Variants in FHAD1 observed in about 807,000 individuals in gnomAD.
FHAD1 encodes the protein forkhead-associated domain-containing protein 1.
In FHAD1, 146 loss-of-function variants were observed where a neutral mutation model predicts 191.3. That is an observed-to-expected ratio of 0.76 (90% CI 0.67 to 0.88). FHAD1 has a LOEUF of 0.88. FHAD1 is among the 40% of genes least tolerant of loss of function. The pLI, the probability that FHAD1 is intolerant of heterozygous loss-of-function variation, is 0.00. For missense variants in FHAD1, 1,635 were observed against 1,785.8 expected (o/e 0.92, Z 1.52); for synonymous variants, 616 against 672.3 (o/e 0.92, Z 1.29).
At chr1:15,290,902 G>A (rs1411439532) in intron 4 of FHAD1, among the ~76,000 whole-genome samples, 1 of 151,996 alleles carries the variant, frequency 6.6e-6, no homozygotes, top group African/African-American at 2.4e-5. Flanking sequence ...TTTTAGTAGA[G>A]ATGGGGTTTC....
chr1:15,329,812 C>T lies in FHAD1; in HGVS notation c.1906+271C>T. ...CGAAATTATGCAAAGTCTAATTACG[C>T]TGTTTAACCTCCAAGGCATTTTCCC... On this transcript the variant is annotated intron_variant, in intron 14 of 33. Transcript: ENST00000688493. The surrounding 1 kb of genome is among the most constrained non-coding windows in gnomAD (Gnocchi z 5.0). 1 of 444,652 alleles carries T rather than the reference C, an allele frequency of 2.2e-6. No individual in the cohort carries two copies. Among genetic ancestry groups the T allele is most frequent in the Non-Finnish European group, 4.1e-6 (1 of 244,184 alleles). The allele number at this position is 444,652 out of a possible 1,614,324, so 27.5% of individuals were successfully genotyped here.
chr1:15,378,355 C>T (rs576784494), intron 28 of FHAD1, among the ~76,000 whole-genome samples: 3 of 152,202 alleles, frequency 2.0e-5, no homozygotes, highest in Non-Finnish European at 4.4e-5. Context: ...CACCCAAGGT[C>T]ACAAAGATAA....
rs773507639 is a variant in FHAD1 at position 15,328,355 on chromosome 1, C to T, written c.1636C>T (p.Gln546Ter). 1.0e-5 allele frequency: 16 copies of T among 1,549,448 alleles called. No individual in the cohort carries two copies. The highest frequency in any genetic ancestry group is 2.0e-5 in the Admixed American group (1 of 50,686). The stretch of plus-strand genomic sequence containing the variant: ...AAAGTGGACCCTCCAGAAAGAGACC[C>T]AGCTGAGCAACTCCAAGCAGGAGGA... ...QKKWTLQKETQLSNSKQEETT... is the reference protein window; with the variant it reads ...QKKWTLQKET The change falls in exon 13 of 34, where the codon CAG (glutamine) becomes TAG (stop). Residue 546 changes from glutamine to a stop codon, truncating the protein, a stop_gained. Coordinates refer to ENST00000688493, the MANE Select transcript of FHAD1 (RefSeq NM_001391957.1). LOFTEE classifies it high-confidence loss of function.
chr1:15,376,073 A>T (rs868766740), intron 28 of FHAD1, among the ~76,000 whole-genome samples: 26 of 137,090 alleles, frequency 1.9e-4, no homozygotes, highest in Middle Eastern at 3.7e-3. Context: ...TTATTTATTT[A>T]TTTATTTTTT....
chr1:15,380,803 A>C lies in FHAD1; in HGVS notation c.3801+7A>C, dbSNP rs759415664. On this transcript the variant is annotated splice_region_variant and intron_variant, in intron 29 of 33. Coordinates refer to ENST00000688493, the MANE Select transcript of FHAD1 (RefSeq NM_001391957.1). Reference sequence around the variant, plus strand: ...AGAGCTCAGTGAAAAGCTGGTATGTACATCCAGCATCCACCCTGCTCCTAT... The same window carrying C: ...AGAGCTCAGTGAAAAGCTGGTATGTCCATCCAGCATCCACCCTGCTCCTAT... 8 of 1,550,590 alleles carry C rather than the reference A, an allele frequency of 5.2e-6. No homozygotes were observed. Among genetic ancestry groups the C allele is most frequent in the Non-Finnish European group, 7.0e-6 (8 of 1,146,266 alleles).
intron 23 of FHAD1, chr1:15,363,927 A>C (rs746705208): frequency 6.4e-5 from 24 of 377,784 alleles, no homozygotes; most frequent in Non-Finnish European, 5.7e-5. Context: ...TAGTGACCGA[A>C]GTCTAATGTC....
At chr1:15,376,618 T>C (rs2102925617) in intron 28 of FHAD1, among the ~76,000 whole-genome samples, 1 of 152,348 alleles carries the variant, frequency 6.6e-6, no homozygotes, top group South Asian at 2.1e-4. Context: ...TTGACCTTTC[T>C]GGGACTCCAT....
Position 15,339,424 on chromosome 1 carries a change from C to T in FHAD1, c.1907-57C>T, listed in dbSNP as rs141370247. 163 of 837,410 alleles carry T rather than the reference C, an allele frequency of 1.9e-4. 3 individuals are homozygous for T. In the Admixed American group the frequency reaches 2.8e-3, roughly 14 times the overall value. 51.9% of individuals were successfully genotyped at this position (837,410 alleles called of 1,614,324 possible). A position where few individuals can be genotyped will look rare whatever the true frequency, so the allele number is the denominator to read the frequency against. ...GGCAACGTTGCTTTCATCCACCTGT[C>T]TGCAAGCTTTGGAGTTGAATTGATA... is the stretch of plus-strand genomic sequence containing the variant. On this transcript the variant is annotated intron_variant, in intron 14 of 33. Coordinates refer to ENST00000688493, the MANE Select transcript of FHAD1 (RefSeq NM_001391957.1).
upstream of FHAD1, among the ~76,000 whole-genome samples, chr1:15,244,090 A>C (rs1645716425): frequency 6.6e-6 from 1 of 151,936 alleles, no homozygotes; most frequent in African/African-American, 2.4e-5. This position sits in a 1 kb window ranked among gnomAD's most constrained non-coding sequence, Gnocchi z 5.1. Flanking sequence ...ATGCCGCATC[A>C]CTGTTTAATT....
At chr1:15,271,345 G>A (rs1655897656) in intron 2 of FHAD1, among the ~76,000 whole-genome samples, 1 of 152,136 alleles carries the variant, frequency 6.6e-6, no homozygotes, top group East Asian at 1.9e-4. Flanking sequence ...AGTGTGCCCT[G>A]CAGCTCACAG....
intron 14 of FHAD1, among the ~76,000 whole-genome samples, chr1:15,330,466 AT>A (rs1226874277): frequency 6.6e-6 from 1 of 152,178 alleles, no homozygotes; most frequent in African/African-American, 2.4e-5. Context: ...TACATTTGAA[AT>A]TTTTTATAAT....
intron 3 of FHAD1, among the ~76,000 whole-genome samples, chr1:15,285,942 C>T (rs1662257660): frequency 6.6e-6 from 1 of 152,172 alleles, no homozygotes; most frequent in African/African-American, 2.4e-5. Context: ...TGAAATAAAC[C>T]AGTCACAAAA....
intron 16 of FHAD1, among the ~76,000 whole-genome samples, chr1:15,344,051 G>A (rs1228389352): frequency 6.6e-6 from 1 of 152,236 alleles, no homozygotes; most frequent in East Asian, 1.9e-4. Flanking sequence ...TGAAAACCTC[G>A]GTGCACCCTA....
chr1:15,289,481 C>T lies in FHAD1; in HGVS notation c.383C>T (p.Pro128Leu). The change falls in exon 4 of 34, where the codon CCC (proline) becomes CTC (leucine). Residue 128 changes from proline to leucine, a missense_variant. Transcript: ENST00000688493. This position sits in a 1 kb window ranked among gnomAD's most constrained non-coding sequence, Gnocchi z 4.2. ...PRATQQPNQAPPPSHIPFHQG... is the reference protein window; with the variant it reads ...PRATQQPNQALPPSHIPFHQG... ...GCCACACAGCAGCCAAACCAGGCCC[C>T]CCCACCATCACATATCCCCTTCCAC... 1 of 1,551,884 alleles carries T rather than the reference C, an allele frequency of 6.4e-7. No homozygotes were observed.
intron 28 of FHAD1, among the ~76,000 whole-genome samples, chr1:15,378,346 A>C (rs1325671821): frequency 6.6e-6 from 1 of 152,230 alleles, no homozygotes; most frequent in Non-Finnish European, 1.5e-5. Context: ...CAAGCACTTC[A>C]CCCAAGGTCA....
chr1:15,259,144 T>C (rs1439514931), intron 2 of FHAD1, among the ~76,000 whole-genome samples: 2 of 152,158 alleles, frequency 1.3e-5, no homozygotes, highest in African/African-American at 4.8e-5. Flanking sequence ...TAGAAGATCA[T>C]AATCTTCTGA....
upstream of FHAD1, among the ~76,000 whole-genome samples, chr1:15,245,155 T>C (rs1026007080): frequency 2.6e-5 from 4 of 152,198 alleles, no homozygotes; most frequent in Admixed American, 1.3e-4. Context: ...TTCGCCCGCA[T>C]GATCCAAGCA....
At chr1:15,341,963 T>C (rs1686875582) in intron 16 of FHAD1, 75 bp downstream of exon 16, 1 of 1,381,174 alleles carries the variant, frequency 7.2e-7, no homozygotes, top group Non-Finnish European at 9.8e-7. Flanking sequence ...ATTGAGGGCA[T>C]GTACTTAGAC....
chr1:15,396,525 C>T (rs1464900842), intron 33 of FHAD1, among the ~76,000 whole-genome samples: 1 of 151,946 alleles, frequency 6.6e-6, no homozygotes. Context: ...AATAACAAAA[C>T]CAGCCGGGTG....
Sources: allele counts gnomAD v4.1 joint callset (sites outside exome capture counted in the v4.1 genomes callset), GRCh38; gene constraint gnomAD v4.1.1; non-coding constraint Gnocchi (gnomAD v3.1); transcripts MANE v1.5; gene names NCBI Gene and HGNC (gene_info 2026-07-23, HGNC 2026-07-21).